The following MED12L variants were observed in gnomAD, a reference collection of about 807,000 sequenced individuals.
MED12L encodes the protein mediator of RNA polymerase II transcription subunit 12-like protein.
A neutral mutation model predicts 281.3 loss-of-function variants in MED12L; 60 were observed. That is an observed-to-expected ratio of 0.21 (90% CI 0.17 to 0.26). The LOEUF (loss-of-function observed/expected upper bound fraction) is 0.26, where lower values mean the gene tolerates loss of function less well. Ranked by LOEUF, MED12L falls within the 10% of genes least tolerant of loss-of-function variation. MED12L has a pLI of 1.00. For missense variants in MED12L, 2,146 were observed against 2,680.9 expected (o/e 0.80, Z 4.41); for synonymous variants, 974 against 987.2 (o/e 0.99, Z 0.25).
rs1413491228 is a variant in MED12L at position 151,237,349 on chromosome 3, T to G, written c.2250+43683T>G. On this transcript the variant is annotated intron_variant, in intron 16 of 44. Coordinates refer to ENST00000687756, the MANE Select transcript of MED12L (RefSeq NM_001393769.1). ...CACCACGCCTGGCTTTTTTTTTTTT[T>G]CTTTTTTTTTTTTTTTTGAGACAGA... Among the ~76,000 whole-genome samples the G allele has an allele frequency of 2.0e-4, 16 of 78,764 alleles. No homozygotes were observed. The Admixed American group carries it at 2.1e-3, about 10-fold the overall frequency. The allele number at this position is 78,764 out of a possible 152,430, so 51.7% of individuals were successfully genotyped here.
chr3:151,087,569 A>G (rs189969967), intron 2 of MED12L, among the ~76,000 whole-genome samples: 84 of 152,322 alleles, frequency 5.5e-4, no homozygotes, highest in African/African-American at 2.0e-3. Flanking sequence ...TCTGCCCTTT[A>G]AAAATTAAAA....
intron 27 of MED12L, among the ~76,000 whole-genome samples, chr3:151,374,984 G>A (rs1756651956): frequency 6.6e-6 from 1 of 152,136 alleles, no homozygotes; most frequent in Non-Finnish European, 1.5e-5. Context: ...TGCTATAGGT[G>A]TCATACCGAC....
chr3:151,290,757 A>G (rs1284702361), intron 16 of MED12L, among the ~76,000 whole-genome samples: 1 of 152,172 alleles, frequency 6.6e-6, no homozygotes, highest in Non-Finnish European at 1.5e-5. Context: ...ATTAGCATTA[A>G]TAAGGATGTT....
chr3:151,194,831 G>A (rs1255003102), intron 16 of MED12L, among the ~76,000 whole-genome samples: 1 of 152,036 alleles, frequency 6.6e-6, no homozygotes, highest in Non-Finnish European at 1.5e-5. Context: ...TACAATTTCA[G>A]GGAGTCATTT....
chr3:151,317,626 A>G (rs948373203), intron 16 of MED12L, among the ~76,000 whole-genome samples: 13 of 150,894 alleles, frequency 8.6e-5, no homozygotes, highest in Middle Eastern at 3.4e-3. Context: ...AATTTTTTGT[A>G]TTTTTAGTAG....
intron 16 of MED12L, among the ~76,000 whole-genome samples, chr3:151,268,876 C>T (rs921566144): frequency 2.6e-5 from 4 of 152,230 alleles, no homozygotes; most frequent in South Asian, 2.1e-4. Flanking sequence ...TCCCAACCTT[C>T]GGTTGGTTTT....
chr3:151,269,730 T>G (rs756547813), intron 16 of MED12L: 2 of 420,640 alleles, frequency 4.8e-6, no homozygotes, highest in African/African-American at 2.1e-5. Flanking sequence ...AAAATAAAGT[T>G]CTCTCCAAGG....
intron 5 of MED12L, among the ~76,000 whole-genome samples, chr3:151,135,514 G>A (rs959751767): frequency 6.6e-6 from 1 of 152,180 alleles, no homozygotes; most frequent in Non-Finnish European, 1.5e-5. Context: ...TTGCAATGTA[G>A]GTTTCATTAT....
chr3:151,411,512 T>A lies in MED12L; in HGVS notation c.6140+5T>A. On this transcript the variant is annotated splice_donor_5th_base_variant and intron_variant, in intron 41 of 44. Transcript: ENST00000687756. The stretch of plus-strand genomic sequence containing the variant: ...GCCCCTGACTGGCTCTCAGAGGTGA[T>A]ACATGTGGAAATGATGATGGCAATA... 6.2e-7 allele frequency: 1 copy of A among 1,613,054 alleles called. No homozygotes were observed. The highest frequency in any genetic ancestry group is 8.5e-7 in the Non-Finnish European group (1 of 1,178,992).
intron 16 of MED12L, among the ~76,000 whole-genome samples, chr3:151,199,805 G>A (rs1223036010): frequency 6.6e-6 from 1 of 152,130 alleles, no homozygotes; most frequent in African/African-American, 2.4e-5. Flanking sequence ...GGTTGAGCAT[G>A]AAGAGCTTTC....
intron 4 of MED12L, 133 bp downstream of exon 4, chr3:151,123,107 TG>T: frequency 1.4e-6 from 1 of 690,140 alleles, no homozygotes; most frequent in Admixed American, 3.0e-5. Context: ...TGGTCCCAGG[TG>T]GGTGTTACTC....
chr3:151,355,149 G>A lies in MED12L; in HGVS notation c.2427G>A (p.Lys809=). ...GVGDEGQKAR[K]NKQETFPTLE... is the part of the protein sequence containing the mutation. ...GGGACGAAGGACAAAAAGCCAGGAAGAACAAACAGGAGACATTTCCAACAC... is the reference window on the plus strand; with the variant it reads ...GGGACGAAGGACAAAAAGCCAGGAAAAACAAACAGGAGACATTTCCAACAC... The change falls in exon 18 of 45, where the codon AAG becomes AAA. Residue 809 remains lysine (K), a synonymous_variant. Transcript: ENST00000687756. 4 of 1,613,910 alleles carry A rather than the reference G, an allele frequency of 2.5e-6. No individual in the cohort carries two copies. Among genetic ancestry groups the A allele is most frequent in the Non-Finnish European group, 3.4e-6 (4 of 1,179,886 alleles).
intron 14 of MED12L, among the ~76,000 whole-genome samples, 165 bp downstream of exon 14, chr3:151,191,096 G>T (rs948516847): frequency 6.6e-6 from 1 of 152,154 alleles, no homozygotes; most frequent in Non-Finnish European, 1.5e-5. Flanking sequence ...TATTTACACT[G>T]TAGCTTCTTA....
chr3:151,138,370 T>A (rs915093978), intron 5 of MED12L, among the ~76,000 whole-genome samples: 11 of 152,222 alleles, frequency 7.2e-5, no homozygotes, highest in Admixed American at 4.6e-4. Context: ...ATGCATTCTC[T>A]CACCCTTGCA....
intron 25 of MED12L, 118 bp from the exon 26 acceptor site, chr3:151,369,318 C>A (rs918505099): frequency 1.7e-6 from 1 of 575,158 alleles, no homozygotes; most frequent in Non-Finnish European, 3.1e-6. Context: ...TCAATTAAAG[C>A]AAGCTAATGG....
intron 39 of MED12L, among the ~76,000 whole-genome samples, chr3:151,399,569 G>A (rs1292127587): frequency 6.6e-6 from 1 of 152,150 alleles, no homozygotes. Context: ...TGTGATACTT[G>A]AGAGACTTAT....
At chr3:151,169,310 T>G (rs1192321801) in intron 11 of MED12L, among the ~76,000 whole-genome samples, 3 of 151,956 alleles carry the variant, frequency 2.0e-5, no homozygotes, top group Non-Finnish European at 4.4e-5. Context: ...TAGTATAGAT[T>G]GGGTTTCACC....
intron 2 of MED12L, among the ~76,000 whole-genome samples, chr3:151,099,621 T>C (rs1721152850): frequency 6.6e-6 from 1 of 152,210 alleles, no homozygotes; most frequent in Non-Finnish European, 1.5e-5. Context: ...ATCTGGCCTT[T>C]CACAGACAAA....
Position 151,413,558 on chromosome 3 carries a change from C to T in MED12L, c.6297+263C>T, listed in dbSNP as rs546238194. On this transcript the variant is annotated intron_variant, in intron 42 of 44. Coordinates refer to ENST00000687756, the MANE Select transcript of MED12L (RefSeq NM_001393769.1). ...TTTCACAAAGGTTTGGGAGGGCAGA[C>T]GGATGCCTTTAATAGAGTTGGCCTC... Among the ~76,000 whole-genome samples, 12 of 152,236 alleles carry T rather than the reference C, an allele frequency of 7.9e-5. No individual in the cohort carries two copies. In the South Asian group the frequency reaches 1.5e-3, roughly 18 times the overall value.
Sources: allele counts gnomAD v4.1 joint callset (sites outside exome capture counted in the v4.1 genomes callset), GRCh38; gene constraint gnomAD v4.1.1; transcripts MANE v1.5; gene names NCBI Gene and HGNC (gene_info 2026-07-23, HGNC 2026-07-21).